Variants in ARB2A observed in about 807,000 individuals in gnomAD.
The protein encoded by ARB2A is ARB2 cotranscriptional regulator A.
chr5:94,050,942 T>A, the ARB2A span: 1 of 749,428 alleles, frequency 1.3e-6, no homozygotes, highest in South Asian at 2.4e-5. Flanking sequence ...CTCAGAACAG[T>A]TTATCTTTTT....
At chr5:93,885,432 T>C in the ARB2A span, among the ~76,000 whole-genome samples, 2 of 151,754 alleles carry the variant, frequency 1.3e-5, no homozygotes, top group Middle Eastern at 6.8e-3. Flanking sequence ...ACTTCAAATA[T>C]ACATCGAAAC....
At chr5:93,826,239 G>A in the ARB2A span, among the ~76,000 whole-genome samples, 23 of 152,160 alleles carry the variant, frequency 1.5e-4, no homozygotes, top group Admixed American at 4.6e-4. Flanking sequence ...TGCTTTGTAC[G>A]AATATTTCTT....
At chr5:93,903,525 G>C in the ARB2A span, among the ~76,000 whole-genome samples, 3 of 151,920 alleles carry the variant, frequency 2.0e-5, no homozygotes, top group Non-Finnish European at 4.4e-5. Context: ...AAATTAGCTA[G>C]TTTCTCTGCC....
At chr5:93,890,056 CAA>C in the ARB2A span, among the ~76,000 whole-genome samples, 1 of 151,748 alleles carries the variant, frequency 6.6e-6, no homozygotes, top group East Asian at 1.9e-4. Context: ...TCTTGAATGA[CAA>C]GAGTGATAAA....
At chr5:93,640,240 G>A in the ARB2A span, among the ~76,000 whole-genome samples, 11 of 151,584 alleles carry the variant, frequency 7.3e-5, no homozygotes, top group East Asian at 2.1e-3. Flanking sequence ...CTTGAGGTCA[G>A]TAATTTGAGA....
the ARB2A span, chr5:94,050,841 T>C: frequency 1.9e-6 from 3 of 1,561,688 alleles, no homozygotes; most frequent in Non-Finnish European, 1.7e-6. Flanking sequence ...TCTAAGAAGA[T>C]AAACAAACAA....
the ARB2A span, among the ~76,000 whole-genome samples, chr5:94,022,820 A>C: frequency 6.6e-6 from 1 of 152,246 alleles, no homozygotes; most frequent in Non-Finnish European, 1.5e-5. Context: ...AATAAAGGCA[A>C]GAAGCACTGG....
the ARB2A span, among the ~76,000 whole-genome samples, chr5:93,718,631 T>C: frequency 1.3e-5 from 2 of 152,140 alleles, no homozygotes; most frequent in African/African-American, 4.8e-5. Flanking sequence ...GGCCCTAATA[T>C]ATAATTTGTT....
chr5:93,941,702 T>C, the ARB2A span, among the ~76,000 whole-genome samples: 2 of 152,164 alleles, frequency 1.3e-5, no homozygotes, highest in African/African-American at 4.8e-5. Context: ...AAAAATAATA[T>C]CTAATTGTTT....
At chr5:93,734,823 T>C in the ARB2A span, 1 of 152,258 alleles carries the variant, frequency 6.6e-6, no homozygotes, top group Non-Finnish European at 1.5e-5. Context: ...TTTGCTTTTT[T>C]TTTTTGAGAC....
At chr5:94,089,534 G>A in the ARB2A span, among the ~76,000 whole-genome samples, 1 of 150,082 alleles carries the variant, frequency 6.7e-6, no homozygotes, top group Non-Finnish European at 1.5e-5. Flanking sequence ...GTGGTTAAGG[G>A]GTTTTGTTTT....
At chr5:93,683,437 T>G in the ARB2A span, 10 of 1,600,852 alleles carry the variant, frequency 6.2e-6, no homozygotes, top group Non-Finnish European at 8.5e-6. Flanking sequence ...CTGGTGGTGT[T>G]ATTTCAAAGC....
chr5:94,078,912 A>G, the ARB2A span, among the ~76,000 whole-genome samples: 2 of 152,140 alleles, frequency 1.3e-5, no homozygotes, highest in African/African-American at 4.8e-5. Context: ...GAAAAAATGT[A>G]TATGAAAGCA....
chr5:94,099,760 T>C, the ARB2A span, among the ~76,000 whole-genome samples: 60 of 151,252 alleles, frequency 4.0e-4, 1 homozygote, highest in African/African-American at 1.4e-3. Context: ...ACGTTAAAAA[T>C]TCTCAATAAA....
At chr5:93,893,805 G>GA in the ARB2A span, among the ~76,000 whole-genome samples, 1 of 152,104 alleles carries the variant, frequency 6.6e-6, no homozygotes, top group Non-Finnish European at 1.5e-5. Context: ...ACAAGAAGGA[G>GA]AAAATCTTCT....
the ARB2A span, among the ~76,000 whole-genome samples, chr5:93,838,082 G>T: frequency 9.5e-4 from 144 of 152,060 alleles, no homozygotes; most frequent in African/African-American, 3.4e-3. Context: ...TCTTTGCCAG[G>T]TCCTATGTCC....
At chr5:94,089,892 C>A in the ARB2A span, among the ~76,000 whole-genome samples, 2 of 152,126 alleles carry the variant, frequency 1.3e-5, no homozygotes, top group Non-Finnish European at 2.9e-5. Flanking sequence ...AAAATCCATT[C>A]TTTCCCTTTC....
At chr5:93,847,300 T>G in the ARB2A span, among the ~76,000 whole-genome samples, 19 of 152,244 alleles carry the variant, frequency 1.2e-4, no homozygotes, top group East Asian at 3.7e-3. Context: ...ATATAAACAA[T>G]TCAACTGAAA....
At chr5:93,903,171 G>A in the ARB2A span, among the ~76,000 whole-genome samples, 19 of 152,052 alleles carry the variant, frequency 1.2e-4, no homozygotes, top group Non-Finnish European at 1.3e-4. Flanking sequence ...ACCAGCAAAC[G>A]TATTTGGACA....
Sources: allele counts gnomAD v4.1 joint callset (sites outside exome capture counted in the v4.1 genomes callset), GRCh38; gene constraint gnomAD v4.1.1; transcripts MANE v1.5; gene names NCBI Gene and HGNC (gene_info 2026-07-23, HGNC 2026-07-21).